The following SHROOM4 variants were observed in gnomAD, a reference collection of about 807,000 sequenced individuals.
The protein encoded by SHROOM4 is shroom family member 4, also known as protein Shroom4.
Under a neutral mutation model 80.3 loss-of-function variants are expected in SHROOM4, and 17 were observed. That is an observed-to-expected ratio of 0.21 (90% confidence interval 0.14 to 0.32). The LOEUF is 0.32. Among genes scored for constraint, SHROOM4 ranks in the 10% least tolerant of loss-of-function variants. SHROOM4 has a pLI of 1.00. For synonymous variants in SHROOM4, 400 were observed against 437.5 expected, an observed-to-expected ratio of 0.91 and a Z score of 1.07; for missense variants, 993 against 1,140.3, an observed-to-expected ratio of 0.87 and a Z score of 1.86.
the SHROOM4 span, among the ~76,000 whole-genome samples, chrX:50,577,044 G>A: frequency 8.9e-6 from 1 of 111,920 alleles, no homozygotes; most frequent in Non-Finnish European, 1.9e-5. Flanking sequence ...CTTCTTTTCT[G>A]ATGTTCCCAA....
intron 2 of SHROOM4, among the ~76,000 whole-genome samples, chrX:50,660,792 C>T (rs1557259900): frequency 9.2e-6 from 1 of 108,164 alleles, no homozygotes; most frequent in African/African-American, 3.4e-5. Flanking sequence ...AATTTTTAGA[C>T]TTTTTGTCAA....
chrX:50,665,142 A>G (rs1932650889), intron 2 of SHROOM4, among the ~76,000 whole-genome samples: 1 of 111,305 alleles, frequency 9.0e-6, no homozygotes, highest in Non-Finnish European at 1.9e-5. Flanking sequence ...AGAAAAGAGG[A>G]TGCCTTCACC....
chrX:50,635,747 G>A, intron 3 of SHROOM4, 79 bp from the exon 4 acceptor site: 1 of 920,146 alleles, frequency 1.1e-6, no homozygotes. Context: ...CCAGCCCAGA[G>A]GTACCCATGC....
Position 50,627,624 on chromosome X carries a change from G to T in SHROOM4, c.2947C>A (p.Gln983Lys). 2.5e-6 allele frequency: 3 copies of T among 1,210,434 alleles called. No individual in the cohort carries two copies. Among genetic ancestry groups the T allele is most frequent in the Non-Finnish European group, 3.4e-6 (3 of 894,449 alleles). Reference sequence around the variant, plus strand: ...TGAGCGCTCACTTACCTCCCTGACTGGCTGGTCTTCCTGTTTCCTGTTATT... The same window carrying T: ...TGAGCGCTCACTTACCTCCCTGACTTGCTGGTCTTCCTGTTTCCTGTTATT... ...NPITGNRKTS[Q>K]SGREMAHSKT... Residue 983 changes from glutamine to lysine, a missense_variant, in exon 5 of 9, where the codon CAG becomes AAG. Physicochemically the swap from Gln to Lys is moderately conservative, Grantham distance 53. Coordinates refer to ENST00000376020, the MANE Select transcript of SHROOM4 (RefSeq NM_020717.5).
Position 50,594,646 on chromosome X carries a change from G to A in SHROOM4, c.*2049C>T, listed in dbSNP as rs1929019289. The A allele has an allele frequency of 9.0e-6, 1 of 111,404 alleles. No homozygotes were observed. Among genetic ancestry groups the A allele is most frequent in the African/African-American group, 3.3e-5 (1 of 30,604 alleles). 9.2% of individuals were successfully genotyped at this position (111,404 alleles called of 1,213,427 possible). On this transcript the variant is annotated 3_prime_UTR_variant, in exon 9 of 9. Coordinates refer to ENST00000376020, the MANE Select transcript of SHROOM4 (RefSeq NM_020717.5). Reference sequence around the variant, plus strand: ...ATATCAGCCTCATCCTCCCAATACAGGACATCTCAATTTGCTCATTGTTTG... The same window carrying A: ...ATATCAGCCTCATCCTCCCAATACAAGACATCTCAATTTGCTCATTGTTTG...
At chrX:50,798,120 G>A (rs1936052631) in intron 1 of SHROOM4, among the ~76,000 whole-genome samples, 1 of 110,826 alleles carries the variant, frequency 9.0e-6, no homozygotes, top group African/African-American at 3.3e-5. Context: ...GGGTAGGTTT[G>A]TAGGGGCCGA....
intron 5 of SHROOM4, among the ~76,000 whole-genome samples, chrX:50,623,677 T>C (rs1930678074): frequency 9.0e-6 from 1 of 111,506 alleles, no homozygotes; most frequent in African/African-American, 3.3e-5. Flanking sequence ...CTTAAATATG[T>C]ACCAAAGATA....
At chrX:50,629,883 G>A (rs1441043354) in intron 4 of SHROOM4, among the ~76,000 whole-genome samples, 4 of 110,624 alleles carry the variant, frequency 3.6e-5, no homozygotes, top group Non-Finnish European at 7.6e-5. Context: ...TCATCAGAGC[G>A]ATGGCATCTT....
chrX:50,699,375 A>G (rs1265309472), intron 1 of SHROOM4, among the ~76,000 whole-genome samples: 3 of 111,896 alleles, frequency 2.7e-5, no homozygotes, highest in Non-Finnish European at 5.6e-5. Context: ...AGAGGGACTG[A>G]CCAGATGATC....
At chrX:50,610,352 T>TCA (rs1557249589) in intron 5 of SHROOM4, among the ~76,000 whole-genome samples, 125 of 91,703 alleles carry the variant, frequency 1.4e-3, no homozygotes, top group African/African-American at 5.1e-3. Flanking sequence ...TCTCTCTCTC[T>TCA]CACACACACA....
chrX:50,738,803 T>C (rs1471147152), intron 1 of SHROOM4, among the ~76,000 whole-genome samples: 2 of 111,643 alleles, frequency 1.8e-5, no homozygotes, highest in African/African-American at 3.3e-5. Flanking sequence ...TACCATTGAC[T>C]TTTTTCACAG....
chrX:50,617,700 G>A, intron 5 of SHROOM4, among the ~76,000 whole-genome samples: 1 of 100,350 alleles, frequency 1.0e-5, no homozygotes, highest in East Asian at 3.3e-4. Context: ...GGGACATCTG[G>A]TGCCCCAAGT....
At chrX:50,775,814 A>G (rs892913421) in intron 1 of SHROOM4, among the ~76,000 whole-genome samples, 2 of 112,677 alleles carry the variant, frequency 1.8e-5, no homozygotes, top group African/African-American at 6.4e-5. Flanking sequence ...GCTTAACCAA[A>G]GCTAGAGAAG....
intron 5 of SHROOM4, among the ~76,000 whole-genome samples, chrX:50,611,383 C>A (rs917403330): frequency 7.4e-5 from 8 of 108,701 alleles, no homozygotes; most frequent in Non-Finnish European, 1.5e-4. Flanking sequence ...ATCTCCTGAC[C>A]TCGTGATCCG....
intron 5 of SHROOM4, among the ~76,000 whole-genome samples, chrX:50,621,853 C>G (rs192080083): frequency 9.0e-6 from 1 of 111,503 alleles, no homozygotes; most frequent in East Asian, 2.8e-4. Flanking sequence ...CCGGGTATTT[C>G]ACACTCTGCT....
At chrX:50,603,912 A>G (rs1403892316) in intron 6 of SHROOM4, among the ~76,000 whole-genome samples, 2 of 111,185 alleles carry the variant, frequency 1.8e-5, no homozygotes, top group Non-Finnish European at 3.8e-5. Context: ...CGCCCTCACT[A>G]TATTCTCATT....
intron 7 of SHROOM4, among the ~76,000 whole-genome samples, chrX:50,601,266 CTT>C (rs1444470342): frequency 8.9e-6 from 1 of 112,508 alleles, no homozygotes; most frequent in Non-Finnish European, 1.9e-5. Context: ...TCATCTCTCT[CTT>C]TTCCTGGTCA....
rs907277683 is a variant in SHROOM4, at chrX:50,635,275, G to A, written c.798C>T (p.Pro266=). ...SRPQEGYQSG[P]AKAVRGPPQP... ...GTGGTGGGCCCCTGACTGCTTTGGCGGGCCCTGACTGGTATCCCTCCTGTG... is the reference window on the plus strand; with the variant it reads ...GTGGTGGGCCCCTGACTGCTTTGGCAGGCCCTGACTGGTATCCCTCCTGTG... Residue 266 remains proline (P), a synonymous_variant, in exon 4 of 9, where the codon CCC becomes CCT. Coordinates refer to ENST00000376020, the MANE Select transcript of SHROOM4 (RefSeq NM_020717.5). The A allele has an allele frequency of 1.4e-5, 17 of 1,199,743 alleles. No homozygotes were observed. Among genetic ancestry groups the A allele is most frequent in the African/African-American group, 5.3e-5 (3 of 57,039 alleles).
chrX:50,716,938 C>G (rs1021155403), intron 1 of SHROOM4, among the ~76,000 whole-genome samples: 1 of 112,482 alleles, frequency 8.9e-6, no homozygotes, highest in South Asian at 3.7e-4. Flanking sequence ...AATACATTTC[C>G]TAATTGTTTA....
Sources: gnomAD v4.1 joint callset for allele counts (sites outside exome capture counted in the v4.1 genomes callset) on GRCh38, gnomAD v4.1.1 for gene constraint, MANE v1.5 for transcripts, NCBI Gene and HGNC (gene_info 2026-07-23, HGNC 2026-07-21) for gene names.